Variants in GUCY1A2 observed in about 807,000 individuals in gnomAD.
The protein encoded by GUCY1A2 is guanylate cyclase soluble subunit alpha-2.
GUCY1A2 carries 27 observed loss-of-function variants against 63.5 expected under a neutral mutation model. The observed-to-expected ratio is 0.43, with a 90% CI of 0.31 to 0.59. The LOEUF is 0.59. Ranked by LOEUF, GUCY1A2 falls within the 20% of genes least tolerant of loss-of-function variation. The pLI, the probability that GUCY1A2 is intolerant of heterozygous loss-of-function variation, is 0.11. For synonymous variants in GUCY1A2, 364 were observed against 343.5 expected, an observed-to-expected ratio of 1.06 and a Z score of -0.66; for missense variants, 768 against 913.3, an observed-to-expected ratio of 0.84 and a Z score of 2.05.
chr11:106,720,512 C>T (rs529558628), intron 6 of GUCY1A2, among the ~76,000 whole-genome samples: 2 of 152,184 alleles, frequency 1.3e-5, no homozygotes, highest in African/African-American at 4.8e-5. Context: ...TTTGATAATC[C>T]TCTTTCTTAA....
intron 5 of GUCY1A2, among the ~76,000 whole-genome samples, chr11:106,790,819 G>A (rs988501220): frequency 2.6e-5 from 4 of 151,626 alleles, no homozygotes; most frequent in Admixed American, 6.6e-5. Context: ...GACTCTGACT[G>A]GTGCCCTATC....
At chr11:106,782,717 A>G (rs1864486219) in intron 5 of GUCY1A2, among the ~76,000 whole-genome samples, 1 of 152,122 alleles carries the variant, frequency 6.6e-6, no homozygotes, top group Admixed American at 6.5e-5. Context: ...AATGAGGTCA[A>G]TGGCGGTCTG....
At chr11:106,858,957 G>C (rs1859472755) in intron 4 of GUCY1A2, among the ~76,000 whole-genome samples, 1 of 151,994 alleles carries the variant, frequency 6.6e-6, no homozygotes, top group African/African-American at 2.4e-5. Flanking sequence ...TGGAGCAGGG[G>C]CCATTCAATA....
chr11:106,821,088 T>C (rs1858895952), intron 4 of GUCY1A2, among the ~76,000 whole-genome samples: 1 of 152,214 alleles, frequency 6.6e-6, no homozygotes, highest in South Asian at 2.1e-4. Context: ...CATGATTAGA[T>C]GCCACTTTTC....
At chr11:106,894,351 A>C (rs112257277) in intron 4 of GUCY1A2, among the ~76,000 whole-genome samples, 52 of 152,348 alleles carry the variant, frequency 3.4e-4, no homozygotes, top group African/African-American at 1.3e-3. Context: ...CCACTATTAC[A>C]GCTGGAGACT....
chr11:106,917,621 G>T (rs886744369), intron 4 of GUCY1A2, among the ~76,000 whole-genome samples: 6 of 143,948 alleles, frequency 4.2e-5, no homozygotes, highest in East Asian at 2.2e-4. Context: ...CCATAAAAAA[G>T]GATGAGTTCA....
intron 5 of GUCY1A2, among the ~76,000 whole-genome samples, 165 bp from the exon 6 acceptor site, chr11:106,776,747 C>A (rs548617876): frequency 1.1e-3 from 162 of 152,236 alleles, no homozygotes; most frequent in African/African-American, 3.6e-3. Flanking sequence ...TGCAAACAGC[C>A]ACAGTCAAAT....
chr11:106,763,556 AAACT>A (rs1258596351), intron 6 of GUCY1A2, among the ~76,000 whole-genome samples: 2 of 152,164 alleles, frequency 1.3e-5, no homozygotes, highest in African/African-American at 2.4e-5. Flanking sequence ...GCTTTCAGAT[AAACT>A]AACTAATTAA....
chr11:106,944,100 A>G (rs1265713411), intron 3 of GUCY1A2, among the ~76,000 whole-genome samples: 4 of 150,754 alleles, frequency 2.7e-5, no homozygotes, highest in Non-Finnish European at 5.9e-5. Flanking sequence ...CCGTAGTCCC[A>G]GCTACTCGGG....
chr11:106,807,887 G>C (rs922970688), intron 5 of GUCY1A2, among the ~76,000 whole-genome samples: 5 of 151,914 alleles, frequency 3.3e-5, no homozygotes, highest in African/African-American at 9.7e-5. Flanking sequence ...AAGTTCTTTA[G>C]CTTTTGGACT....
chr11:106,776,400 G>C, intron 6 of GUCY1A2, 39 bp downstream of exon 6: 1 of 1,340,096 alleles, frequency 7.5e-7, no homozygotes, highest in Non-Finnish European at 1.1e-6. Context: ...CCAGTTAATG[G>C]TGCACTTACT....
At chr11:106,873,961 T>C (rs1859715216) in intron 4 of GUCY1A2, among the ~76,000 whole-genome samples, 1 of 152,198 alleles carries the variant, frequency 6.6e-6, no homozygotes, top group Non-Finnish European at 1.5e-5. Flanking sequence ...CTTTGTTTTC[T>C]AAGCTTCATG....
chr11:106,987,585 G>A (rs981758143), intron 1 of GUCY1A2, among the ~76,000 whole-genome samples: 3 of 151,316 alleles, frequency 2.0e-5, no homozygotes, highest in Admixed American at 2.0e-4. Flanking sequence ...CCAGGAGGCA[G>A]AGGTTGCAGT....
intron 5 of GUCY1A2, among the ~76,000 whole-genome samples, chr11:106,791,676 A>G (rs75123268): frequency 0.044 from 6,658 of 152,260 alleles, 147 homozygotes; most frequent in East Asian, 0.093. Flanking sequence ...TTCAGAATAA[A>G]TATAGATTTA....
At chr11:106,771,076 A>T (rs1001355898) in intron 6 of GUCY1A2, among the ~76,000 whole-genome samples, 1 of 152,116 alleles carries the variant, frequency 6.6e-6, no homozygotes, top group African/African-American at 2.4e-5. Context: ...TAAGTACAGA[A>T]TTAAAAGACA....
chr11:106,726,310 G>A (rs1044949552), intron 6 of GUCY1A2, among the ~76,000 whole-genome samples: 1 of 152,112 alleles, frequency 6.6e-6, no homozygotes, highest in Non-Finnish European at 1.5e-5. Context: ...CAGCTACTTG[G>A]GGGGCTGAGG....
intron 4 of GUCY1A2, among the ~76,000 whole-genome samples, chr11:106,842,848 C>A (rs111843941): frequency 6.6e-6 from 1 of 151,860 alleles, no homozygotes; most frequent in South Asian, 2.1e-4. Flanking sequence ...CCCTAACCAG[C>A]TGATGCAGCT....
chr11:106,838,873 T>C (rs1256624809), intron 4 of GUCY1A2, among the ~76,000 whole-genome samples: 2 of 152,096 alleles, frequency 1.3e-5, no homozygotes, highest in Non-Finnish European at 2.9e-5. Context: ...ATTCTGGATA[T>C]TAGCCCTTTG....
chr11:106,819,448 T>C (rs1161541927), intron 4 of GUCY1A2, among the ~76,000 whole-genome samples: 1 of 152,114 alleles, frequency 6.6e-6, no homozygotes, highest in Non-Finnish European at 1.5e-5. Context: ...CTTTAAGAAA[T>C]TGTTAGAGCC....
Sources: gnomAD v4.1 joint callset for allele counts (sites outside exome capture counted in the v4.1 genomes callset) on GRCh38, gnomAD v4.1.1 for gene constraint, MANE v1.5 for transcripts, NCBI Gene and HGNC (gene_info 2026-07-23, HGNC 2026-07-21) for gene names.